Variants in SLC25A16 observed in about 807,000 individuals in gnomAD.
The protein encoded by SLC25A16 is solute carrier family 25 member 16.
SLC25A16 carries 39 observed loss-of-function variants against 41.5 expected under a neutral mutation model. The ratio of observed to expected loss-of-function variants is 0.94; its 90% CI spans 0.73 to 1.23. The LOEUF is 1.23. Among genes scored for constraint, SLC25A16 ranks in the 50% most tolerant of loss-of-function variants. The pLI is 0.00. For missense variants in SLC25A16, 421 were observed against 426.9 expected (o/e 0.99, Z 0.12); for synonymous variants, 146 against 147.8 (o/e 0.99, Z 0.09).
At chr10:68,506,459 A>C (rs1052730462) in intron 3 of SLC25A16, 126 bp downstream of exon 3, 2 of 694,954 alleles carry the variant, frequency 2.9e-6, no homozygotes, top group African/African-American at 1.9e-5. Flanking sequence ...TAAAAAAAAA[A>C]AACCAATAAT....
At chr10:68,513,923 G>A (rs2053114028) in intron 2 of SLC25A16, among the ~76,000 whole-genome samples, 1 of 152,082 alleles carries the variant, frequency 6.6e-6, no homozygotes, top group African/African-American at 2.4e-5. Context: ...TTGGCCGGGA[G>A]CAGTGGCTCA....
chr10:68,495,916 G>C (rs895226891), intron 4 of SLC25A16, among the ~76,000 whole-genome samples: 33 of 151,636 alleles, frequency 2.2e-4, no homozygotes, highest in African/African-American at 7.5e-4. Context: ...CCTGTTATCT[G>C]TCAAATGAGT....
intron 1 of SLC25A16, among the ~76,000 whole-genome samples, chr10:68,525,067 A>G (rs114540034): frequency 0.067 from 10,123 of 152,104 alleles, 441 homozygotes; most frequent in African/African-American, 0.12. Context: ...CAACAACAAA[A>G]AAAACTTAAT....
At chr10:68,515,007 G>A (rs1460165623) in intron 2 of SLC25A16, among the ~76,000 whole-genome samples, 1 of 151,290 alleles carries the variant, frequency 6.6e-6, no homozygotes, top group African/African-American at 2.4e-5. Flanking sequence ...CAAAGTACTG[G>A]GAATACAGGC....
At chr10:68,489,641 G>A (rs1036650068) in intron 6 of SLC25A16, among the ~76,000 whole-genome samples, 13 of 152,110 alleles carry the variant, frequency 8.5e-5, no homozygotes, top group African/African-American at 3.1e-4. Context: ...GGTGGCTTAT[G>A]CCTGTAATCC....
At chr10:68,492,886 CG>C (rs201774649) in intron 6 of SLC25A16, among the ~76,000 whole-genome samples, 6,663 of 151,986 alleles carry the variant, frequency 0.044, 213 homozygotes, top group Middle Eastern at 0.088. Flanking sequence ...CATCATCTAA[CG>C]TAAGTGTGTG....
intron 2 of SLC25A16, among the ~76,000 whole-genome samples, chr10:68,514,488 T>TC (rs1255802146): frequency 6.6e-6 from 1 of 152,106 alleles, no homozygotes; most frequent in East Asian, 1.9e-4. Context: ...ACAGTGAAAC[T>TC]CCATCTCAAA....
chr10:68,516,284 G>C (rs1002474603), intron 2 of SLC25A16, among the ~76,000 whole-genome samples: 1 of 152,078 alleles, frequency 6.6e-6, no homozygotes, highest in Non-Finnish European at 1.5e-5. Flanking sequence ...TGGCTGGAAC[G>C]GGACCTCACA....
rs1282878299 is a variant in SLC25A16, at chr10:68,481,311, G to T, written c.*2121C>A. 6.6e-6 allele frequency: 1 copy of T among 151,756 alleles called. No individual in the cohort carries two copies. Among genetic ancestry groups the T allele is most frequent in the Non-Finnish European group, 1.5e-5 (1 of 67,958 alleles). The allele number at this position is 151,756 out of a possible 1,614,324, so 9.4% of individuals were successfully genotyped here. A position where few individuals can be genotyped will look rare whatever the true frequency, so the allele number is the denominator to read the frequency against. On this transcript the variant is annotated 3_prime_UTR_variant, in exon 9 of 9. Transcript: ENST00000609923. ...AGAACACATGTATTTCTACCTACTGGTACACTTATAAATCATACAAAGATA... is the reference window on the plus strand; with the variant it reads ...AGAACACATGTATTTCTACCTACTGTTACACTTATAAATCATACAAAGATA...
intron 1 of SLC25A16, among the ~76,000 whole-genome samples, chr10:68,523,871 AGCAGATT>A: frequency 6.6e-6 from 1 of 152,082 alleles, no homozygotes; most frequent in East Asian, 1.9e-4. Flanking sequence ...GGCAGAGGTG[AGCAGATT>A]GCTTGAGGCC....
At chr10:68,507,965 T>G (rs908785100) in intron 2 of SLC25A16, among the ~76,000 whole-genome samples, 1 of 152,342 alleles carries the variant, frequency 6.6e-6, no homozygotes, top group South Asian at 2.1e-4. Context: ...GCGTGGTGGC[T>G]CATGCCTGTA....
At chr10:68,525,297 G>A (rs1414219002) in intron 1 of SLC25A16, among the ~76,000 whole-genome samples, 1 of 151,894 alleles carries the variant, frequency 6.6e-6, no homozygotes, top group Non-Finnish European at 1.5e-5. Context: ...CACCACGCCT[G>A]ACAAATTTTT....
rs756305318 is a variant in SLC25A16, at chr10:68,483,358, TC to T, written c.*73del. On this transcript the variant is annotated 3_prime_UTR_variant, in exon 9 of 9. Transcript: ENST00000609923. ...GTAAATATCCCCATTCAAGTAATGT[TC>T]CCCCCACAATTATAGTAATGTTTCA... 2.2e-5 allele frequency: 21 copies of T among 957,418 alleles called. No homozygotes were observed. The African/African-American group carries it at 2.9e-4, about 13-fold the overall frequency. The allele number at this position is 957,418 out of a possible 1,614,324, so 59.3% of individuals were successfully genotyped here.
At chr10:68,507,345 A>G (rs2052975576) in intron 2 of SLC25A16, among the ~76,000 whole-genome samples, 1 of 152,094 alleles carries the variant, frequency 6.6e-6, no homozygotes, top group Non-Finnish European at 1.5e-5. Context: ...TGCTGGGATT[A>G]CAGGCGTGAC....
At chr10:68,526,914 G>T (rs2053346702) in intron 1 of SLC25A16, among the ~76,000 whole-genome samples, 1 of 152,100 alleles carries the variant, frequency 6.6e-6, no homozygotes, top group South Asian at 2.1e-4. Context: ...ATAAAAGAAA[G>T]GAGTGCCCAG....
chr10:68,520,939 T>A (rs550025035), intron 1 of SLC25A16, among the ~76,000 whole-genome samples: 1 of 149,180 alleles, frequency 6.7e-6, no homozygotes, highest in African/African-American at 2.5e-5. Context: ...ATCGAGACCA[T>A]CCTGGCTAAC....
At chr10:68,489,442 C>A (rs1299779190) in intron 6 of SLC25A16, among the ~76,000 whole-genome samples, 9 of 152,040 alleles carry the variant, frequency 5.9e-5, no homozygotes, top group African/African-American at 2.2e-4. Context: ...CACGTAGAAT[C>A]TGATAAAAAT....
At chr10:68,500,354 C>A (rs1375055388) in intron 4 of SLC25A16, among the ~76,000 whole-genome samples, 1 of 152,106 alleles carries the variant, frequency 6.6e-6, no homozygotes, top group African/African-American at 2.4e-5. Flanking sequence ...GTTGCCAACG[C>A]TGGAGTGTAG....
intron 1 of SLC25A16, among the ~76,000 whole-genome samples, chr10:68,526,982 C>T (rs1329967077): frequency 6.6e-6 from 1 of 152,184 alleles, no homozygotes; most frequent in Non-Finnish European, 1.5e-5. Flanking sequence ...TCCCTGTTAT[C>T]CAGCCCTGAA....
Sources: gnomAD v4.1 joint callset for allele counts (sites outside exome capture counted in the v4.1 genomes callset) on GRCh38, gnomAD v4.1.1 for gene constraint, MANE v1.5 for transcripts, NCBI Gene and HGNC (gene_info 2026-07-23, HGNC 2026-07-21) for gene names.